Variants in ZNF705A observed in about 807,000 individuals in gnomAD.
ZNF705A encodes the protein zinc finger protein 705A.
In ZNF705A, 8 loss-of-function variants were observed where a neutral mutation model predicts 16.6. The ratio of observed to expected loss-of-function variants is 0.48; its 90% CI spans 0.28 to 0.87. The LOEUF (loss-of-function observed/expected upper bound fraction) is 0.87, where lower values mean the gene tolerates loss of function less well. ZNF705A is among the 40% of genes least tolerant of loss of function. The probability of loss-of-function intolerance (pLI) is 0.10; values close to 1 mark genes in which losing one functional copy is unlikely to be tolerated. For synonymous variants in ZNF705A, 73 were observed against 117.3 expected, an observed-to-expected ratio of 0.62 and a Z score of 2.44; for missense variants, 233 against 359.9, an observed-to-expected ratio of 0.65 and a Z score of 2.85.
intron 1 of ZNF705A, among the ~76,000 whole-genome samples, chr12:8,162,429 G>A (rs1183881984): frequency 1.3e-5 from 2 of 152,176 alleles, no homozygotes; most frequent in African/African-American, 4.8e-5. Flanking sequence ...AGTAAAGGCC[G>A]AAACTTAGTC....
chr12:8,161,496 G>A (rs1324936535), intron 1 of ZNF705A, among the ~76,000 whole-genome samples: 2 of 115,666 alleles, frequency 1.7e-5, no homozygotes, highest in East Asian at 5.5e-4. Context: ...GGTCTTTCAG[G>A]GTATCTAATT....
chr12:8,163,660 T>G (rs1264263716), intron 1 of ZNF705A, among the ~76,000 whole-genome samples: 1 of 152,238 alleles, frequency 6.6e-6, no homozygotes, highest in Non-Finnish European at 1.5e-5. Context: ...CAGAAGTTTG[T>G]TTCTCCCTCA....
upstream of ZNF705A, among the ~76,000 whole-genome samples, chr12:8,167,737 C>T (rs567315377): frequency 3.9e-5 from 6 of 152,160 alleles, no homozygotes; most frequent in Non-Finnish European, 5.9e-5. Context: ...CTGCATGGGT[C>T]CATAAGAAAC....
At chr12:8,166,826 G>A (rs1482582145) in intron 1 of ZNF705A, among the ~76,000 whole-genome samples, 1 of 152,226 alleles carries the variant, frequency 6.6e-6, no homozygotes, top group Admixed American at 6.5e-5. Flanking sequence ...CTTGCACTGG[G>A]CCCAGCCCAC....
rs764087452 is a variant in ZNF705A, at chr12:8,175,905, C to T, written c.281C>T (p.Pro94Leu). 3.5e-5 allele frequency: 57 copies of T among 1,611,378 alleles called. No individual in the cohort carries two copies. Among genetic ancestry groups the T allele is most frequent in the Non-Finnish European group, 4.7e-5 (55 of 1,179,536 alleles). Reference sequence around the variant, plus strand: ...AAAAAACACATGATATCCATGCATCCTATCACCAGAAAAGACGCATCCACC... The same window carrying T: ...AAAAAACACATGATATCCATGCATCTTATCACCAGAAAAGACGCATCCACC... The change falls in exon 4 of 5, where the codon CCT becomes CTT. Residue 94 changes from proline to leucine, a missense_variant. This residue lies in a region of ZNF705A where 220 missense variants were observed against 271.4 expected (regional missense o/e 0.81). Transcript: ENST00000359286.
At chr12:8,169,530 A>C (rs971970603), upstream of ZNF705A, among the ~76,000 whole-genome samples, 1 of 152,198 alleles carries the variant, frequency 6.6e-6, no homozygotes, top group Non-Finnish European at 1.5e-5. Flanking sequence ...TCATTGCTAG[A>C]ATGTCAGCTG....
upstream of ZNF705A, among the ~76,000 whole-genome samples, chr12:8,171,577 G>A (rs1280662570): frequency 1.3e-5 from 2 of 152,162 alleles, no homozygotes; most frequent in Non-Finnish European, 2.9e-5. Context: ...TGTTTTCTGA[G>A]CATCCTAGAG....
chr12:8,176,060 C>A, intron 4 of ZNF705A, 118 bp downstream of exon 5: 57 of 1,462,314 alleles, frequency 3.9e-5, no homozygotes, highest in Middle Eastern at 5.1e-4. Context: ...GCTTTCTAAG[C>A]AAAAAAAAAT....
chr12:8,165,951 T>C (rs1177916750), intron 1 of ZNF705A, among the ~76,000 whole-genome samples: 4 of 152,264 alleles, frequency 2.6e-5, no homozygotes, highest in African/African-American at 4.8e-5. Flanking sequence ...GTCTTTGCTA[T>C]TGCAAATAAT....
chr12:8,165,210 AT>A (rs1353382072), intron 1 of ZNF705A, among the ~76,000 whole-genome samples: 1 of 150,816 alleles, frequency 6.6e-6, no homozygotes, highest in African/African-American at 2.4e-5. Context: ...GATGGTAAGA[AT>A]TTTTTCATAT....
At chr12:8,167,231 G>C (rs1298533676) in intron 1 of ZNF705A, among the ~76,000 whole-genome samples, 3 of 152,104 alleles carry the variant, frequency 2.0e-5, no homozygotes, top group Non-Finnish European at 4.4e-5. Context: ...ATGCTTTCTA[G>C]TACATATAAT....
intron 1 of ZNF705A, among the ~76,000 whole-genome samples, chr12:8,162,518 TA>T: frequency 6.6e-6 from 1 of 152,294 alleles, no homozygotes; most frequent in African/African-American, 2.4e-5. Flanking sequence ...TCCAGGTCAC[TA>T]GAAGAATCTT....
exon 5 of ZNF705A, chr12:8,179,418 C>G (rs1377882060): frequency 1.3e-5 from 2 of 152,222 alleles, no homozygotes; most frequent in African/African-American, 4.8e-5. Context: ...AGGGGCCCTC[C>G]TCTGCCTTGT....
upstream of ZNF705A, among the ~76,000 whole-genome samples, chr12:8,169,993 C>A (rs192163071): frequency 3.5e-3 from 530 of 152,178 alleles, 1 homozygote; most frequent in Non-Finnish European, 5.3e-3. Context: ...AGTTCCAGAC[C>A]AGCCCTACCA....
chr12:8,170,125 G>T (rs1948432531), upstream of ZNF705A, among the ~76,000 whole-genome samples: 1 of 151,036 alleles, frequency 6.6e-6, no homozygotes, highest in Non-Finnish European at 1.5e-5. Flanking sequence ...GGAGGTGGAG[G>T]TTGCAGTGAG....
chr12:8,175,067 T>C (rs891648613), intron 2 of ZNF705A, among the ~76,000 whole-genome samples, 161 bp from the exon 4 acceptor site: 3 of 152,304 alleles, frequency 2.0e-5, no homozygotes, highest in African/African-American at 2.4e-5. Context: ...CAGTCTCATG[T>C]TGGGTCAGAA....
intron 1 of ZNF705A, among the ~76,000 whole-genome samples, chr12:8,162,014 G>A (rs1205337623): frequency 6.6e-6 from 1 of 152,146 alleles, no homozygotes; most frequent in Non-Finnish European, 1.5e-5. Context: ...TTTAAAATAT[G>A]AGGCTATCTT....
chr12:8,159,927 T>G (rs1257349086), intron 1 of ZNF705A, among the ~76,000 whole-genome samples: 1 of 152,128 alleles, frequency 6.6e-6, no homozygotes, highest in Admixed American at 6.6e-5. Flanking sequence ...GTTTTTTCAA[T>G]GCTATTTTCT....
intron 2 of ZNF705A, 109 bp downstream of exon 3, chr12:8,174,561 C>G: frequency 6.3e-7 from 1 of 1,584,822 alleles, no homozygotes; most frequent in Non-Finnish European, 8.5e-7. Context: ...CTCTGCTTCT[C>G]TCACAGATCT....
Sources: gnomAD v4.1 joint callset for allele counts (sites outside exome capture counted in the v4.1 genomes callset) on GRCh38, gnomAD v4.1.1 for gene constraint, gnomAD v4.1.1 regional missense constraint, MANE v1.5 for transcripts, NCBI Gene and HGNC (gene_info 2026-07-23, HGNC 2026-07-21) for gene names.